MGAT4C: variants seen among roughly 807,000 people sequenced by gnomAD.
MGAT4C encodes the protein alpha-1,3-mannosyl-glycoprotein 4-beta-N-acetylglucosaminyltransferase C.
MGAT4C carries 19 observed loss-of-function variants against 40.1 expected under a neutral mutation model. That is an observed-to-expected ratio of 0.47 (90% CI 0.33 to 0.70). The LOEUF (loss-of-function observed/expected upper bound fraction) is 0.70. MGAT4C is among the 30% of genes least tolerant of loss of function. MGAT4C has a pLI of 0.02. For missense variants in MGAT4C, 491 were observed against 563.2 expected, an observed-to-expected ratio of 0.87 and a Z score of 1.30; for synonymous variants, 181 against 187.1, an observed-to-expected ratio of 0.97 and a Z score of 0.27.
intron 1 of MGAT4C, among the ~76,000 whole-genome samples, chr12:86,740,150 A>T (rs944282088): frequency 6.6e-6 from 1 of 151,134 alleles, no homozygotes; most frequent in Non-Finnish European, 1.5e-5. Context: ...AATTCTTTGC[A>T]GACAATGTTG....
chr12:86,001,966 G>GC (rs1411019486), intron 2 of MGAT4C: 2 of 152,182 alleles, frequency 1.3e-5, no homozygotes, highest in South Asian at 4.1e-4. Context: ...AGATTTTCCC[G>GC]AAGTGAGTCC....
At chr12:86,553,715 A>T (rs1355066701) in intron 2 of MGAT4C, among the ~76,000 whole-genome samples, 1 of 152,172 alleles carries the variant, frequency 6.6e-6, no homozygotes, top group African/African-American at 2.4e-5. Flanking sequence ...AGACTTTAAG[A>T]ATACAGTGAC....
chr12:85,980,040 C>T lies in MGAT4C; in HGVS notation c.686G>A (p.Cys229Tyr). The T allele has an allele frequency of 3.1e-6, 5 of 1,613,638 alleles. No individual in the cohort carries two copies. The South Asian group carries it at 5.5e-5, about 18-fold the overall frequency. The change falls in exon 5 of 5, where the codon TGT (cysteine) becomes TAT (tyrosine). Residue 229 changes from cysteine (C) to tyrosine (Y), a missense_variant. Transcript: ENST00000611864. Reference protein sequence around the residue: ...YYVMLEDDVRCSKNFLTAIKK... With the variant: ...YYVMLEDDVRYSKNFLTAIKK... ...GATGGCAGTTAAGAAATTTTTTGAACATCGAACATCATCTTCAAGCATTAC... is the reference window on the plus strand; with the variant it reads ...GATGGCAGTTAAGAAATTTTTTGAATATCGAACATCATCTTCAAGCATTAC...
chr12:86,817,490 C>A (rs908544709), intron 1 of MGAT4C, among the ~76,000 whole-genome samples: 1 of 151,464 alleles, frequency 6.6e-6, no homozygotes, highest in African/African-American at 2.4e-5. Context: ...TCCATCAAAT[C>A]AAGCTTATAA....
intron 2 of MGAT4C, among the ~76,000 whole-genome samples, chr12:86,541,160 C>T (rs1009763708): frequency 2.6e-5 from 4 of 152,166 alleles, no homozygotes; most frequent in Non-Finnish European, 2.9e-5. Context: ...CTTTCCTATC[C>T]TTCATGTTGT....
At chr12:86,102,774 G>A (rs1036302381) in intron 1 of MGAT4C, among the ~76,000 whole-genome samples, 3 of 151,998 alleles carry the variant, frequency 2.0e-5, no homozygotes, top group Admixed American at 1.3e-4. Context: ...TTTTTATGTT[G>A]AAGACTGCAT....
At chr12:86,341,183 A>T (rs1171578745) in intron 3 of MGAT4C, among the ~76,000 whole-genome samples, 2 of 152,156 alleles carry the variant, frequency 1.3e-5, no homozygotes, top group Admixed American at 1.3e-4. Context: ...ACCTGGCAGC[A>T]ACATGGAGTC....
chr12:86,018,672 T>C (rs1206055317), intron 2 of MGAT4C, among the ~76,000 whole-genome samples: 1 of 152,170 alleles, frequency 6.6e-6, no homozygotes, highest in African/African-American at 2.4e-5. Context: ...TGTAATTGTT[T>C]TGCTGTTTCA....
rs1565791751 is a variant in MGAT4C, at chr12:86,482,103, A to ACACAC, written c.-228-46839_-228-46838insGTGTG. 8.4e-5 allele frequency among the ~76,000 whole-genome samples: 6 copies of ACACAC among 71,404 alleles called. No individual in the cohort carries two copies. In the South Asian group the frequency reaches 1.8e-3, roughly 21 times the overall value. 46.8% of individuals were successfully genotyped at this position (71,404 alleles called of 152,430 possible). ...ACACACACACACACACACACACACA[A>ACACAC]GCAAGTCTTCTTTTTCAAAGAACAG... On this transcript the variant is annotated intron_variant, in intron 2 of 7. Transcript: ENST00000548651.
chr12:86,424,547 C>T lies in MGAT4C; in HGVS notation c.-120+10610G>A, dbSNP rs117799989. Among the ~76,000 whole-genome samples the T allele has an allele frequency of 1.9e-4, 29 of 152,262 alleles. No homozygotes were observed. The East Asian group carries it at 3.9e-3, about 20-fold the overall frequency. On this transcript the variant is annotated intron_variant, in intron 3 of 7. Coordinates refer to the MGAT4C transcript ENST00000548651. ...TAATTTCAGAGTCAGATCTGAGCAA[C>T]GGCTGACTGTTCTAAATAATACCTC...
chr12:86,813,025 C>A (rs540560983), intron 1 of MGAT4C, among the ~76,000 whole-genome samples: 1 of 152,198 alleles, frequency 6.6e-6, no homozygotes, highest in African/African-American at 2.4e-5. Flanking sequence ...TGCAAGGCTT[C>A]TTCTGTTTTG....
chr12:85,980,574 A>G lies in MGAT4C; in HGVS notation c.296-144T>C, dbSNP rs1175796086. On this transcript the variant is annotated intron_variant, in intron 4 of 4. Coordinates refer to ENST00000611864, the MANE Select transcript of MGAT4C (RefSeq NM_001351288.2). ...ATGACTATGCACAGAACATTTTATG[A>G]TTAAAGTAATAAGCTAAATATATAA... is the stretch of plus-strand genomic sequence containing the variant. The G allele has an allele frequency of 4.5e-6, 3 of 670,118 alleles. No homozygotes were observed. In the East Asian group the frequency reaches 8.4e-5, roughly 19 times the overall value. 41.5% of individuals were successfully genotyped at this position (670,118 alleles called of 1,614,324 possible). A position where few individuals can be genotyped will look rare whatever the true frequency, so the allele number is the denominator to read the frequency against.
At chr12:86,125,665 C>A (rs1880117043) in intron 1 of MGAT4C, among the ~76,000 whole-genome samples, 1 of 151,936 alleles carries the variant, frequency 6.6e-6, no homozygotes, top group African/African-American at 2.4e-5. Flanking sequence ...AACAGGAGGG[C>A]ATTTTAGAAA....
intron 1 of MGAT4C, among the ~76,000 whole-genome samples, chr12:86,775,681 CTATT>C (rs1176081177): frequency 1.3e-5 from 2 of 151,574 alleles, no homozygotes; most frequent in Admixed American, 6.6e-5. Flanking sequence ...AGAAGCACTG[CTATT>C]TATTTACCAC....
rs549602232 is a variant in MGAT4C, at chr12:86,734,408, G to A, written c.-261-7167C>T. On this transcript the variant is annotated intron_variant, in intron 1 of 7. Transcript: ENST00000548651. ...CATGTGCAGGGGCTGAACTTGAATC[G>A]GAGCAGCGTGTCCTTCATTCTAATG... is the stretch of plus-strand genomic sequence containing the variant. Among the ~76,000 whole-genome samples the A allele has an allele frequency of 6.6e-5, 10 of 152,086 alleles. No individual in the cohort carries two copies. In the East Asian group the frequency reaches 1.4e-3, roughly 21 times the overall value.
chr12:86,773,942 C>CTTTTTTTTTTTTTTTTTTTTTTTTTTT lies in MGAT4C; in HGVS notation c.-261-46702_-261-46701insAAAAAAAAAAAAAAAAAAAAAAAAAAA, dbSNP rs1565980916. ...ACAGGTTCACATTTTTTTAAAGTAA[C>CTTTTTTTTTTTTTTTTTTTTTTTTTTT]TTCTTTTTTTTTTTTTTTTTTTTTT... On this transcript the variant is annotated intron_variant, in intron 1 of 7. Coordinates refer to the MGAT4C transcript ENST00000548651. 4.7e-5 allele frequency among the ~76,000 whole-genome samples: 5 copies of CTTTTTTTTTTTTTTTTTTTTTTTTTTT among 106,520 alleles called. 2 individuals are homozygous for CTTTTTTTTTTTTTTTTTTTTTTTTTTT. The highest frequency in any genetic ancestry group is 5.7e-5 in the Non-Finnish European group (3 of 52,286). 69.9% of individuals were successfully genotyped at this position (106,520 alleles called of 152,430 possible).
At chr12:86,804,950 A>G (rs561999534) in intron 1 of MGAT4C, among the ~76,000 whole-genome samples, 10 of 152,158 alleles carry the variant, frequency 6.6e-5, no homozygotes, top group Admixed American at 5.9e-4. Flanking sequence ...TGATACATGT[A>G]TAAACTTCAC....
At chr12:86,483,592 G>A (rs905312430) in intron 2 of MGAT4C, among the ~76,000 whole-genome samples, 1 of 151,676 alleles carries the variant, frequency 6.6e-6, no homozygotes, top group African/African-American at 2.4e-5. Context: ...GAGTGTAAAG[G>A]CAGTGACAAT....
intron 2 of MGAT4C, among the ~76,000 whole-genome samples, chr12:86,441,031 T>C (rs2897239): frequency 1 from 152,266 of 152,268 alleles, 76,132 homozygotes; most frequent in Middle Eastern, 1. Flanking sequence ...ATGAAAATGA[T>C]CATACTGCCC....
Sources: gnomAD v4.1 joint callset for allele counts (sites outside exome capture counted in the v4.1 genomes callset) on GRCh38, gnomAD v4.1.1 for gene constraint, MANE v1.5 for transcripts, NCBI Gene and HGNC (gene_info 2026-07-23, HGNC 2026-07-21) for gene names.